Variants in SPECC1 observed in about 807,000 individuals in gnomAD.
SPECC1 encodes sperm antigen with calponin homology and coiled-coil domains 1, also known as cytospin-B.
SPECC1 carries 62 observed loss-of-function variants against 104.1 expected under a neutral mutation model. The observed-to-expected ratio is 0.60, with a 90% CI of 0.49 to 0.74. SPECC1 has a LOEUF of 0.74. Among genes scored for constraint, SPECC1 ranks in the 30% least tolerant of loss-of-function variants. SPECC1 has a pLI of 0.00. For synonymous variants in SPECC1, 513 were observed against 501.6 expected (o/e 1.02, Z -0.30); for missense variants, 1,306 against 1,310.5 (o/e 1.00, Z 0.05).
intron 1 of SPECC1, among the ~76,000 whole-genome samples, chr17:20,056,973 C>T (rs190768434): frequency 2.6e-5 from 4 of 152,104 alleles, no homozygotes; most frequent in Admixed American, 6.6e-5. Flanking sequence ...AATAGAAAGC[C>T]GAAACCAGAA....
At chr17:20,236,825 T>A (rs1377603489) in intron 7 of SPECC1, 1 of 1,613,630 alleles carries the variant, frequency 6.2e-7, no homozygotes, top group East Asian at 2.2e-5. Context: ...AGGTAACTCC[T>A]TTACAGCCTC....
chr17:20,073,692 A>T (rs1225722328), intron 1 of SPECC1: 1 of 152,136 alleles, frequency 6.6e-6, no homozygotes, highest in Non-Finnish European at 1.5e-5. Flanking sequence ...GGAGAAGCAG[A>T]GTTTTTGCAG....
At chr17:20,156,135 C>G in intron 3 of SPECC1, 1 of 1,394,546 alleles carries the variant, frequency 7.2e-7, no homozygotes, top group Non-Finnish European at 9.3e-7. Context: ...CCAGCGCGAG[C>G]TCGGCACGGT....
chr17:20,112,089 T>C (rs553259268), intron 3 of SPECC1: 246 of 765,738 alleles, frequency 3.2e-4, no homozygotes, highest in Non-Finnish European at 5.7e-4. Context: ...CCACATAGAC[T>C]GGCTAACATT....
chr17:20,187,529 G>A (rs1254138176), intron 3 of SPECC1, among the ~76,000 whole-genome samples: 1 of 152,210 alleles, frequency 6.6e-6, no homozygotes, highest in East Asian at 1.9e-4. Flanking sequence ...GCTTATTGAT[G>A]AAGGTGACCT....
intron 3 of SPECC1, among the ~76,000 whole-genome samples, chr17:20,186,025 G>A (rs1167985122): frequency 1.3e-5 from 2 of 151,894 alleles, no homozygotes; most frequent in African/African-American, 2.4e-5. Context: ...TTTAGTAGAG[G>A]CGGGGTTTCA....
chr17:20,270,651 TGA>T (rs2040378918), intron 12 of SPECC1, among the ~76,000 whole-genome samples: 1 of 151,612 alleles, frequency 6.6e-6, no homozygotes, highest in South Asian at 2.1e-4. Context: ...GCCATGATGA[TGA>T]ATATCACTTA....
chr17:20,310,118 G>A (rs188305182), intron 14 of SPECC1, among the ~76,000 whole-genome samples: 321 of 151,924 alleles, frequency 2.1e-3, no homozygotes, highest in Middle Eastern at 6.8e-3. Flanking sequence ...CACTGTGCCC[G>A]GCCCTTTATC....
chr17:20,187,144 A>C (rs2035336016), intron 3 of SPECC1, among the ~76,000 whole-genome samples: 1 of 151,980 alleles, frequency 6.6e-6, no homozygotes, highest in South Asian at 2.1e-4. Flanking sequence ...TTTTATGGTC[A>C]TGTCAGCACT....
intron 1 of SPECC1, among the ~76,000 whole-genome samples, chr17:20,022,602 C>T (rs548284375): frequency 1.3e-5 from 2 of 152,294 alleles, no homozygotes; most frequent in East Asian, 3.9e-4. Context: ...ACATAAAAAT[C>T]CAGATTCCTA....
intron 2 of SPECC1, among the ~76,000 whole-genome samples, chr17:20,103,719 G>A (rs940019799): frequency 6.6e-6 from 1 of 152,058 alleles, no homozygotes; most frequent in Non-Finnish European, 1.5e-5. Context: ...CAGGAGGAGT[G>A]CCCCCCTCTC....
At chr17:20,032,598 G>T (rs935744789) in intron 1 of SPECC1, among the ~76,000 whole-genome samples, 2 of 151,826 alleles carry the variant, frequency 1.3e-5, no homozygotes, top group Non-Finnish European at 2.9e-5. Flanking sequence ...TTTCAACTCC[G>T]GAATTTCCAT....
chr17:20,029,935 TG>T (rs747461017), intron 1 of SPECC1, among the ~76,000 whole-genome samples: 11 of 152,176 alleles, frequency 7.2e-5, no homozygotes, highest in Non-Finnish European at 7.3e-5. Flanking sequence ...TTCTTCTTTC[TG>T]GTTGCTAGGA....
At chr17:20,263,633 T>A (rs1181699492) in intron 12 of SPECC1, among the ~76,000 whole-genome samples, 1 of 151,780 alleles carries the variant, frequency 6.6e-6, no homozygotes, top group Non-Finnish European at 1.5e-5. Context: ...AAAATAGGAA[T>A]GGTGATGGGA....
chr17:20,236,961 T>A (rs754013388), intron 7 of SPECC1: 3 of 1,608,738 alleles, frequency 1.9e-6, no homozygotes, highest in Non-Finnish European at 2.5e-6. Flanking sequence ...AAAGGGGGAA[T>A]GTGTAGAGGA....
chr17:20,238,639 TTTAC>T lies in SPECC1; in HGVS notation c.2351+6238_2351+6241del, dbSNP rs529299436. Reference sequence around the variant, plus strand: ...AGACATTGAGGTCTTCTCTGTAAAATTTACTTAGATACTTGTGAATAGGACTGAA... The same window carrying T: ...AGACATTGAGGTCTTCTCTGTAAAATTTAGATACTTGTGAATAGGACTGAA... On this transcript the variant is annotated intron_variant, in intron 7 of 14. Transcript: ENST00000395527. The T allele has an allele frequency of 1.4e-3, 1,496 of 1,040,848 alleles. 1 individual carries two copies. Among genetic ancestry groups the T allele is most frequent in the Non-Finnish European group, 1.6e-3 (1,377 of 863,790 alleles). The allele number at this position is 1,040,848 out of a possible 1,614,324, so 64.5% of individuals were successfully genotyped here.
chr17:20,201,493 AAAAG>A (rs1390391815), intron 3 of SPECC1, among the ~76,000 whole-genome samples: 2 of 152,118 alleles, frequency 1.3e-5, no homozygotes, highest in Non-Finnish European at 2.9e-5. Flanking sequence ...AAAAAATAAA[AAAAG>A]AAAGAAAAAG....
chr17:20,204,889 T>G lies in SPECC1; in HGVS notation c.840T>G (p.Thr280=). Reference sequence around the variant, plus strand: ...ACAGCAGCTGCCCAACATCCATAACTCAAGAGTCAAGCTTCGGAAGCCCAA... The same window carrying G: ...ACAGCAGCTGCCCAACATCCATAACGCAAGAGTCAAGCTTCGGAAGCCCAA... ...TGDSSCPTSI[T]QESSFGSPTG... The change falls in exon 4 of 15, where the codon ACT becomes ACG. Residue 280 remains threonine, a synonymous_variant. Coordinates refer to ENST00000395527, the MANE Select transcript of SPECC1 (RefSeq NM_001243439.2). 6.2e-7 allele frequency: 1 copy of G among 1,613,812 alleles called. No individual in the cohort carries two copies.
intron 1 of SPECC1, chr17:20,056,563 C>A: frequency 4.7e-6 from 1 of 214,202 alleles, no homozygotes; most frequent in Non-Finnish European, 1.0e-5. Flanking sequence ...CTGGGAGAGT[C>A]TGGGAGTTTA....
Sources: gnomAD v4.1 joint callset for allele counts (sites outside exome capture counted in the v4.1 genomes callset) on GRCh38, gnomAD v4.1.1 for gene constraint, MANE v1.5 for transcripts, NCBI Gene and HGNC (gene_info 2026-07-23, HGNC 2026-07-21) for gene names.